KCNMB2: variants seen among roughly 807,000 people sequenced by gnomAD.
KCNMB2 encodes the protein potassium calcium-activated channel subfamily M regulatory beta subunit 2.
KCNMB2 carries 9 observed loss-of-function variants against 24.5 expected under a neutral mutation model. The observed-to-expected ratio is 0.37, with a 90% CI of 0.22 to 0.64. The LOEUF (loss-of-function observed/expected upper bound fraction) is 0.64, where lower values mean the gene tolerates loss of function less well. KCNMB2 is among the 30% of genes least tolerant of loss of function. The pLI, the probability that KCNMB2 is intolerant of heterozygous loss-of-function variation, is 0.63. For synonymous variants in KCNMB2, 109 were observed against 104.4 expected (o/e 1.04, Z -0.27); for missense variants, 226 against 284.3 (o/e 0.79, Z 1.47).
At chr3:178,753,820 A>G (rs1256418320) in intron 1 of KCNMB2, among the ~76,000 whole-genome samples, 1 of 152,148 alleles carries the variant, frequency 6.6e-6, no homozygotes, top group Non-Finnish European at 1.5e-5. Flanking sequence ...CTACTTTCAT[A>G]GCAGTTTTCA....
intron 1 of KCNMB2, among the ~76,000 whole-genome samples, chr3:178,803,004 G>A (rs1713830483): frequency 6.6e-6 from 1 of 151,948 alleles, no homozygotes; most frequent in Admixed American, 6.6e-5. Context: ...GTAAACTATT[G>A]GTTAGTGTGT....
intron 1 of KCNMB2, among the ~76,000 whole-genome samples, chr3:178,547,394 G>A (rs948081950): frequency 5.3e-5 from 8 of 152,206 alleles, no homozygotes; most frequent in African/African-American, 1.9e-4. Context: ...GATAGAGAAA[G>A]AGACGATGTC....
chr3:178,826,465 T>C (rs1714838171), intron 3 of KCNMB2, among the ~76,000 whole-genome samples: 1 of 152,176 alleles, frequency 6.6e-6, no homozygotes, highest in African/African-American at 2.4e-5. Context: ...TGTAGGTGTA[T>C]TGAATGGATA....
rs915364673 is a variant in KCNMB2 at position 178,843,100 on chromosome 3, A to T, written c.*163A>T. 2 of 683,762 alleles carry T rather than the reference A, an allele frequency of 2.9e-6. No individual in the cohort carries two copies. Among genetic ancestry groups the T allele is most frequent in the Admixed American group, 2.2e-5 (1 of 46,252 alleles). The allele number at this position is 683,762 out of a possible 1,614,324, so 42.4% of individuals were successfully genotyped here. ...AAAAGCTGTTCTATATGCAAACATGATGTCTTTATTATTCAGGAGAATAAA... is the reference window on the plus strand; with the variant it reads ...AAAAGCTGTTCTATATGCAAACATGTTGTCTTTATTATTCAGGAGAATAAA... On this transcript the variant is annotated 3_prime_UTR_variant, in exon 5 of 5. Coordinates refer to ENST00000452583, the MANE Select transcript of KCNMB2 (RefSeq NM_181361.3).
intron 1 of KCNMB2, among the ~76,000 whole-genome samples, chr3:178,644,236 G>A (rs1031484105): frequency 3.9e-5 from 6 of 152,212 alleles, no homozygotes; most frequent in African/African-American, 1.2e-4. Flanking sequence ...AGATAGAAAG[G>A]AAGCAAGAAG....
At chr3:178,625,024 G>A (rs926158603) in intron 1 of KCNMB2, among the ~76,000 whole-genome samples, 2 of 152,152 alleles carry the variant, frequency 1.3e-5, no homozygotes, top group Admixed American at 6.5e-5. Context: ...GAACAGCAGG[G>A]CAAGGAGGGC....
At chr3:178,686,872 A>G (rs946291115) in intron 1 of KCNMB2, among the ~76,000 whole-genome samples, 15 of 152,312 alleles carry the variant, frequency 9.8e-5, no homozygotes, top group African/African-American at 3.1e-4. Flanking sequence ...CATTTAAAAA[A>G]AGAACAAATC....
chr3:178,728,507 T>C (rs1723037656), intron 1 of KCNMB2, among the ~76,000 whole-genome samples: 1 of 152,112 alleles, frequency 6.6e-6, no homozygotes, highest in Non-Finnish European at 1.5e-5. Flanking sequence ...TAAGAGAAGT[T>C]ATGAATCACG....
Position 178,699,176 on chromosome 3 carries a change from C to T in KCNMB2, c.-67-108167C>T, listed in dbSNP as rs929986008. 3.3e-4 allele frequency among the ~76,000 whole-genome samples: 51 copies of T among 152,324 alleles called. 1 individual carries two copies. Among genetic ancestry groups the T allele is most frequent in the African/African-American group, 1.2e-3 (50 of 41,574 alleles). On this transcript the variant is annotated intron_variant, in intron 1 of 4. Coordinates refer to ENST00000452583, the MANE Select transcript of KCNMB2 (RefSeq NM_181361.3). ...GGGGCAGGATGCTGACTAGCTCAGG[C>T]CTGGGTGCCTTCTCCATGCCCTGCA...
intron 1 of KCNMB2, among the ~76,000 whole-genome samples, chr3:178,604,186 T>A (rs570878747): frequency 6.6e-6 from 1 of 152,144 alleles, no homozygotes; most frequent in Non-Finnish European, 1.5e-5. Context: ...CCTTGCTAAA[T>A]AAGCACTGTT....
intron 1 of KCNMB2, among the ~76,000 whole-genome samples, chr3:178,713,928 A>G (rs1264204070): frequency 6.6e-6 from 1 of 152,168 alleles, no homozygotes; most frequent in Non-Finnish European, 1.5e-5. Flanking sequence ...TGGGAAAAGC[A>G]TTTGTGTTGT....
At chr3:178,826,467 G>A (rs902382938) in intron 3 of KCNMB2, among the ~76,000 whole-genome samples, 10 of 152,156 alleles carry the variant, frequency 6.6e-5, no homozygotes, top group Non-Finnish European at 1.5e-4. Flanking sequence ...TAGGTGTATT[G>A]AATGGATAGG....
chr3:178,799,355 A>G (rs1713683043), intron 1 of KCNMB2, among the ~76,000 whole-genome samples: 3 of 152,158 alleles, frequency 2.0e-5, no homozygotes, highest in Non-Finnish European at 4.4e-5. Flanking sequence ...AAATCAACAC[A>G]CAAAAATAGT....
intron 1 of KCNMB2, among the ~76,000 whole-genome samples, chr3:178,775,496 A>C (rs1712544254): frequency 6.6e-6 from 1 of 152,220 alleles, no homozygotes; most frequent in African/African-American, 2.4e-5. Flanking sequence ...CTATCTTTTT[A>C]CTGAAACCTA....
At chr3:178,614,247 TTATATATATATATATATATATA>T (rs776751246) in intron 1 of KCNMB2, among the ~76,000 whole-genome samples, 718 of 53,470 alleles carry the variant, frequency 0.013, 50 homozygotes, top group South Asian at 0.11. Context: ...TGGGCTAATT[TTATATATATATATATATATATA>T]TATATATATA....
At chr3:178,727,298 T>C (rs556099314) in intron 1 of KCNMB2, among the ~76,000 whole-genome samples, 73 of 152,240 alleles carry the variant, frequency 4.8e-4, no homozygotes, top group Admixed American at 3.0e-3. Flanking sequence ...AATTTTAGTT[T>C]CGCCTTTTAG....
chr3:178,800,377 T>C (rs201507548), intron 1 of KCNMB2, among the ~76,000 whole-genome samples: 9 of 152,224 alleles, frequency 5.9e-5, no homozygotes, highest in East Asian at 3.9e-4. Flanking sequence ...CAGTTCTGAA[T>C]AGACATTTCT....
chr3:178,682,811 T>C (rs965285072), intron 1 of KCNMB2, among the ~76,000 whole-genome samples: 1 of 151,450 alleles, frequency 6.6e-6, no homozygotes, highest in African/African-American at 2.4e-5. Context: ...AAAACCACAA[T>C]GAGATACCAT....
intron 1 of KCNMB2, among the ~76,000 whole-genome samples, chr3:178,562,066 T>C (rs1480289975): frequency 6.6e-6 from 1 of 152,248 alleles, no homozygotes; most frequent in Non-Finnish European, 1.5e-5. Flanking sequence ...TCTAGTAATA[T>C]TGTATATAAA....
Sources: allele counts gnomAD v4.1 joint callset (sites outside exome capture counted in the v4.1 genomes callset), GRCh38; gene constraint gnomAD v4.1.1; transcripts MANE v1.5; gene names NCBI Gene and HGNC (gene_info 2026-07-23, HGNC 2026-07-21).